Variants in RASAL2 observed in about 807,000 individuals in gnomAD.
RASAL2 encodes the protein RAS protein activator like 2, also known as ras GTPase-activating protein nGAP.
In RASAL2, 58 loss-of-function variants were observed where a neutral mutation model predicts 128.9. The ratio of observed to expected loss-of-function variants is 0.45; its 90% CI spans 0.36 to 0.56. RASAL2 has a LOEUF of 0.56. RASAL2 is among the 20% of genes least tolerant of loss of function. The pLI is 0.00. For synonymous variants in RASAL2, 561 were observed against 580.8 expected, an observed-to-expected ratio of 0.97 and a Z score of 0.49; for missense variants, 1,360 against 1,601.6, an observed-to-expected ratio of 0.85 and a Z score of 2.57.
In RASAL2 at chr1:178,456,703, G is replaced by GA; in HGVS notation, c.2212-14dup. The GA allele has an allele frequency of 6.2e-7, 1 of 1,613,754 alleles. No individual in the cohort carries two copies. Among genetic ancestry groups the GA allele is most frequent in the South Asian group, 1.1e-5 (1 of 91,066 alleles). ...GCAATGCTTATTATCCAATTAGGGTGAAAATTCCTTCCTACAGGCGACCGT... is the reference window on the plus strand; with the variant it reads ...GCAATGCTTATTATCCAATTAGGGTGAAAAATTCCTTCCTACAGGCGACCGT... On this transcript the variant is annotated splice_polypyrimidine_tract_variant and intron_variant, in intron 12 of 17. Transcript: ENST00000367649.
chr1:178,103,438 GAA>G (rs1483304869), intron 1 of RASAL2, among the ~76,000 whole-genome samples: 1 of 152,034 alleles, frequency 6.6e-6, no homozygotes, highest in Non-Finnish European at 1.5e-5. Flanking sequence ...TTGTAATTTT[GAA>G]AGATATTGCC....
chr1:178,290,323 A>C (rs2102237072), intron 2 of RASAL2, among the ~76,000 whole-genome samples: 1 of 152,316 alleles, frequency 6.6e-6, no homozygotes, highest in African/African-American at 2.4e-5. Flanking sequence ...TTGAATAGAA[A>C]ATATCTTCTA....
chr1:178,185,971 C>T (rs1004816649), intron 1 of RASAL2, among the ~76,000 whole-genome samples: 7 of 152,020 alleles, frequency 4.6e-5, no homozygotes, highest in African/African-American at 1.7e-4. Flanking sequence ...ATTGCTTGTT[C>T]CTTAAATGTT....
chr1:178,253,243 A>G (rs1013102790), intron 1 of RASAL2, among the ~76,000 whole-genome samples: 3 of 151,756 alleles, frequency 2.0e-5, no homozygotes, highest in East Asian at 1.9e-4. Flanking sequence ...TGTGACTTCA[A>G]ATTTTTCTTT....
intron 3 of RASAL2, among the ~76,000 whole-genome samples, chr1:178,318,549 G>C (rs1668598533): frequency 6.7e-6 from 1 of 149,798 alleles, no homozygotes; most frequent in African/African-American, 2.4e-5. Flanking sequence ...ATTATGTAAT[G>C]GCCTTCTTTG....
At chr1:178,354,310 A>G (rs1218749437) in intron 3 of RASAL2, among the ~76,000 whole-genome samples, 1 of 152,222 alleles carries the variant, frequency 6.6e-6, no homozygotes, top group African/African-American at 2.4e-5. Context: ...ACAACTATTC[A>G]TAAGAACTCT....
chr1:178,320,556 C>G lies in RASAL2; in HGVS notation c.457+20438C>G, dbSNP rs912704818. On this transcript the variant is annotated intron_variant, in intron 3 of 17. Coordinates refer to ENST00000367649, the MANE Select transcript of RASAL2 (RefSeq NM_170692.4). Reference sequence around the variant, plus strand: ...ATTTGGGTGGGAGTGACCTGATTTTCCAGGTGCGTCCGTCACCCCTTTCTT... The same window carrying G: ...ATTTGGGTGGGAGTGACCTGATTTTGCAGGTGCGTCCGTCACCCCTTTCTT... Among the ~76,000 whole-genome samples, 22 of 152,332 alleles carry G rather than the reference C, an allele frequency of 1.4e-4. No individual in the cohort carries two copies. The East Asian group carries it at 2.9e-3, about 20-fold the overall frequency.
chr1:178,347,463 A>G (rs1488251969), intron 3 of RASAL2, among the ~76,000 whole-genome samples: 3 of 152,194 alleles, frequency 2.0e-5, no homozygotes, highest in Non-Finnish European at 4.4e-5. Flanking sequence ...TGATCATAAT[A>G]TATAACAGGC....
intron 3 of RASAL2, among the ~76,000 whole-genome samples, chr1:178,326,049 T>C (rs1669024809): frequency 6.6e-6 from 1 of 152,076 alleles, no homozygotes; most frequent in South Asian, 2.1e-4. Flanking sequence ...TATGACTATA[T>C]AGTCTACACT....
intron 4 of RASAL2, chr1:178,411,932 G>C: frequency 1.6e-6 from 1 of 644,786 alleles, no homozygotes; most frequent in Non-Finnish European, 2.8e-6. Context: ...TGAGTATGAA[G>C]ATCAGGCAGA....
intron 1 of RASAL2, among the ~76,000 whole-genome samples, chr1:178,240,907 T>C (rs931075770): frequency 5.9e-5 from 9 of 151,330 alleles, no homozygotes; most frequent in African/African-American, 2.2e-4. Context: ...TTATTTCTAT[T>C]ATAATTATTT....
At chr1:178,419,329 T>G (rs1674983717) in intron 4 of RASAL2, among the ~76,000 whole-genome samples, 1 of 152,160 alleles carries the variant, frequency 6.6e-6, no homozygotes, top group Non-Finnish European at 1.5e-5. Flanking sequence ...GCTGGAGTGC[T>G]GTGGTACAGT....
At chr1:178,361,921 G>T (rs1671129812) in intron 3 of RASAL2, among the ~76,000 whole-genome samples, 1 of 151,836 alleles carries the variant, frequency 6.6e-6, no homozygotes, top group African/African-American at 2.4e-5. Flanking sequence ...TTCTCATAAG[G>T]AACACGCAAC....
intron 3 of RASAL2, among the ~76,000 whole-genome samples, chr1:178,356,433 G>GC (rs1445202061): frequency 6.6e-6 from 1 of 151,848 alleles, no homozygotes; most frequent in Non-Finnish European, 1.5e-5. Flanking sequence ...ATCCATAATG[G>GC]CCCCAAAATG....
At chr1:178,208,503 A>T (rs1031197011) in intron 1 of RASAL2, among the ~76,000 whole-genome samples, 49 of 152,248 alleles carry the variant, frequency 3.2e-4, no homozygotes, top group African/African-American at 1.1e-3. Context: ...TAAATTTGTG[A>T]TCAGACCAGT....
At chr1:178,452,766 TTATTAATAAATATAGCAAAAAA>T in intron 11 of RASAL2, 114 bp downstream of exon 11, 1 of 823,780 alleles carries the variant, frequency 1.2e-6, no homozygotes. Context: ...TTTCACTGTG[TTATTAATAAATATAGCAAAAAA>T]ATGGAAACAA....
intron 1 of RASAL2, among the ~76,000 whole-genome samples, chr1:178,259,162 G>A (rs371496943): frequency 4.3e-5 from 5 of 117,618 alleles, no homozygotes; most frequent in Admixed American, 1.2e-4. Context: ...ACGGAGTCTC[G>A]CTCTGTGGCC....
chr1:178,393,726 C>T (rs896668278), intron 4 of RASAL2, among the ~76,000 whole-genome samples: 2 of 152,196 alleles, frequency 1.3e-5, no homozygotes, highest in Non-Finnish European at 2.9e-5. Flanking sequence ...TTTGTAGGTT[C>T]TGTCCCTCAT....
intron 3 of RASAL2, among the ~76,000 whole-genome samples, chr1:178,348,575 A>G (rs1328849001): frequency 6.6e-6 from 1 of 152,224 alleles, no homozygotes; most frequent in African/African-American, 2.4e-5. Flanking sequence ...CTGGGATTAC[A>G]GGCATGAGCT....
Sources: gnomAD v4.1 joint callset for allele counts (sites outside exome capture counted in the v4.1 genomes callset) on GRCh38, gnomAD v4.1.1 for gene constraint, MANE v1.5 for transcripts, NCBI Gene and HGNC (gene_info 2026-07-23, HGNC 2026-07-21) for gene names.